The following MTHFD1L variants were observed in gnomAD, a reference collection of about 807,000 sequenced individuals.
The protein encoded by MTHFD1L is monofunctional C1-tetrahydrofolate synthase, mitochondrial.
MTHFD1L carries 81 observed loss-of-function variants against 119.5 expected under a neutral mutation model. The observed-to-expected ratio is 0.68, with a 90% CI of 0.57 to 0.82. The LOEUF is 0.82. Among genes scored for constraint, MTHFD1L ranks in the 40% least tolerant of loss-of-function variants. The probability of loss-of-function intolerance (pLI) is 0.00; values close to 1 mark genes in which losing one functional copy is unlikely to be tolerated. For synonymous variants in MTHFD1L, 430 were observed against 475.2 expected (o/e 0.90, Z 1.24); for missense variants, 1,125 against 1,253.4 (o/e 0.90, Z 1.55).
intron 8 of MTHFD1L, among the ~76,000 whole-genome samples, chr6:150,915,072 C>T (rs1192475181): frequency 6.6e-6 from 1 of 152,160 alleles, no homozygotes; most frequent in Non-Finnish European, 1.5e-5. Context: ...TAGACACTTT[C>T]AAAGAGTTTG....
chr6:151,090,769 G>A (rs1333196217), intron 26 of MTHFD1L, among the ~76,000 whole-genome samples: 1 of 152,272 alleles, frequency 6.6e-6, no homozygotes, highest in Non-Finnish European at 1.5e-5. Context: ...GGTTCTACAT[G>A]ATATGGCATT....
At chr6:150,949,340 G>T (rs1038398683) in intron 16 of MTHFD1L, among the ~76,000 whole-genome samples, 1 of 151,328 alleles carries the variant, frequency 6.6e-6, no homozygotes, top group Admixed American at 6.6e-5. Context: ...TTCTGTCCAG[G>T]GTCAATCCCA....
chr6:151,056,455 C>G (rs1789943949), intron 26 of MTHFD1L, among the ~76,000 whole-genome samples: 1 of 152,204 alleles, frequency 6.6e-6, no homozygotes, highest in Non-Finnish European at 1.5e-5. Context: ...GAAAGGCCTG[C>G]TTGGGCAATG....
chr6:150,946,211 A>G (rs9383855), intron 15 of MTHFD1L, among the ~76,000 whole-genome samples: 43,218 of 151,710 alleles, frequency 0.28, 6,850 homozygotes, highest in East Asian at 0.46. Context: ...GTGCAGTGGC[A>G]TGATCTTGGC....
chr6:150,902,196 C>T (rs574759750), intron 7 of MTHFD1L, among the ~76,000 whole-genome samples: 1 of 152,146 alleles, frequency 6.6e-6, no homozygotes, highest in East Asian at 1.9e-4. Context: ...TCCCTTTCCC[C>T]CATCTCTTTA....
intron 24 of MTHFD1L, among the ~76,000 whole-genome samples, chr6:151,022,536 C>T (rs1358936006): frequency 6.6e-6 from 1 of 152,158 alleles, no homozygotes; most frequent in Admixed American, 6.5e-5. Context: ...GGTATTGATG[C>T]ACATCTCTGT....
At chr6:151,084,821 G>A (rs1276689494) in intron 26 of MTHFD1L, among the ~76,000 whole-genome samples, 2 of 151,332 alleles carry the variant, frequency 1.3e-5, no homozygotes, top group East Asian at 1.9e-4. Context: ...CAAAAAATTA[G>A]CCAGGCGTGG....
At chr6:150,868,198 C>A (rs919991909) in intron 1 of MTHFD1L, among the ~76,000 whole-genome samples, 1 of 152,090 alleles carries the variant, frequency 6.6e-6, no homozygotes, top group Non-Finnish European at 1.5e-5. Flanking sequence ...TCTCCAAACT[C>A]AATTCCTTCA....
chr6:151,036,258 AT>A (rs541242845), intron 25 of MTHFD1L, among the ~76,000 whole-genome samples: 4 of 150,086 alleles, frequency 2.7e-5, no homozygotes, highest in East Asian at 1.9e-4. Flanking sequence ...CTCTATTTTT[AT>A]TTTTTTTTTA....
At chr6:150,922,385 C>G in intron 10 of MTHFD1L, 83 bp downstream of exon 10, 3 of 1,063,548 alleles carry the variant, frequency 2.8e-6, no homozygotes, top group Non-Finnish European at 4.3e-6. Context: ...AAGCACAACT[C>G]ATGGTACTGT....
intron 1 of MTHFD1L, 154 bp from the exon 2 acceptor site, chr6:150,875,936 C>T (rs1191516905): frequency 1.0e-5 from 6 of 595,240 alleles, no homozygotes; most frequent in Non-Finnish European, 1.8e-5. Flanking sequence ...ATTGTTACGC[C>T]GCCTACCCCC....
chr6:150,886,337 C>T (rs1224537551), intron 6 of MTHFD1L, among the ~76,000 whole-genome samples: 1 of 150,468 alleles, frequency 6.6e-6, no homozygotes, highest in Non-Finnish European at 1.5e-5. Context: ...GCTGGAGGCT[C>T]AGGCGGGAAG....
intron 13 of MTHFD1L, among the ~76,000 whole-genome samples, chr6:150,942,579 A>T (rs185432200): frequency 6.6e-6 from 1 of 152,334 alleles, no homozygotes; most frequent in African/African-American, 2.4e-5. Context: ...TAACATTAAA[A>T]AATGGGGGGA....
At position 150,885,739 on chromosome 6, in the gene MTHFD1L, GA is replaced by G; in HGVS notation, c.643+6del. The stretch of plus-strand genomic sequence containing the variant: ...TTGAACTTCTTGAAAAATCAGGTAG[GA>G]TGCTCCTTGAGAAATGCCGCTGATT... On this transcript the variant is annotated splice_donor_region_variant and intron_variant, in intron 6 of 27. Transcript: ENST00000367321. 6.3e-7 allele frequency: 1 copy of G among 1,599,150 alleles called. No individual in the cohort carries two copies. Among genetic ancestry groups the G allele is most frequent in the Non-Finnish European group, 8.6e-7 (1 of 1,166,818 alleles).
At chr6:151,061,889 A>G (rs531840070) in intron 26 of MTHFD1L, among the ~76,000 whole-genome samples, 2 of 152,350 alleles carry the variant, frequency 1.3e-5, no homozygotes, top group East Asian at 3.9e-4. Context: ...TCCTTCCATC[A>G]TACCAGACTG....
At chr6:150,977,836 T>G in intron 20 of MTHFD1L, among the ~76,000 whole-genome samples, 1 of 151,966 alleles carries the variant, frequency 6.6e-6, no homozygotes, top group South Asian at 2.1e-4. Context: ...TGGATAGACT[T>G]CGATCTACAA....
intron 20 of MTHFD1L, among the ~76,000 whole-genome samples, chr6:150,973,710 C>T (rs554606216): frequency 6.6e-6 from 1 of 152,238 alleles, no homozygotes; most frequent in African/African-American, 2.4e-5. Context: ...AGCAAACGAG[C>T]CCTCTGTGTG....
intron 7 of MTHFD1L, among the ~76,000 whole-genome samples, chr6:150,893,389 C>T (rs564889456): frequency 6.6e-6 from 1 of 152,160 alleles, no homozygotes; most frequent in East Asian, 1.9e-4. Context: ...TGTTGCCCAG[C>T]TTAATCAACC....
intron 20 of MTHFD1L, among the ~76,000 whole-genome samples, chr6:150,986,691 G>A (rs1283550713): frequency 6.6e-6 from 1 of 152,150 alleles, no homozygotes; most frequent in Non-Finnish European, 1.5e-5. Flanking sequence ...CTGCAGACCA[G>A]GGGGTTAGGG....
Sources: allele counts gnomAD v4.1 joint callset (sites outside exome capture counted in the v4.1 genomes callset), GRCh38; gene constraint gnomAD v4.1.1; transcripts MANE v1.5; gene names NCBI Gene and HGNC (gene_info 2026-07-23, HGNC 2026-07-21).